Variants in TRPM7 observed in about 807,000 individuals in gnomAD.
TRPM7 encodes the protein LTRPC ion channel family member 7.
A neutral mutation model predicts 229.7 loss-of-function variants in TRPM7; 134 were observed. The observed-to-expected ratio is 0.58, with a 90% confidence interval of 0.51 to 0.67. TRPM7 has a LOEUF of 0.67. Ranked by LOEUF, TRPM7 falls within the 30% of genes least tolerant of loss-of-function variation. The probability of loss-of-function intolerance (pLI) is 0.00; values close to 1 mark genes in which losing one functional copy is unlikely to be tolerated. For synonymous variants in TRPM7, 699 were observed against 715.2 expected, an observed-to-expected ratio of 0.98 and a Z score of 0.36; for missense variants, 1,901 against 2,210.0, an observed-to-expected ratio of 0.86 and a Z score of 2.80.
intron 38 of TRPM7, among the ~76,000 whole-genome samples, chr15:50,567,250 A>T (rs2053642105): frequency 2.0e-5 from 3 of 152,068 alleles, no homozygotes; most frequent in Non-Finnish European, 4.4e-5. Flanking sequence ...ACATGTATAC[A>T]TGTGCCATGT....
intron 2 of TRPM7, among the ~76,000 whole-genome samples, chr15:50,661,819 A>C (rs12916113): frequency 0.075 from 11,454 of 152,288 alleles, 556 homozygotes; most frequent in South Asian, 0.12. Flanking sequence ...TTTGTCAATT[A>C]ATTTTCATTT....
At chr15:50,611,396 A>C in intron 16 of TRPM7, 75 bp from the exon 17 acceptor site, 1 of 1,075,976 alleles carries the variant, frequency 9.3e-7, no homozygotes, top group Non-Finnish European at 1.3e-6. Context: ...TATATACATT[A>C]ATACTTCCTA....
At chr15:50,661,324 T>A (rs1596327256) in intron 2 of TRPM7, among the ~76,000 whole-genome samples, 1 of 152,128 alleles carries the variant, frequency 6.6e-6, no homozygotes, top group Non-Finnish European at 1.5e-5. Context: ...AGCAGGTACA[T>A]TTTGCATATA....
At chr15:50,568,905 C>CCTGGGAGGTGGAAGCTGCAGTGAG (rs2053740498) in intron 38 of TRPM7, among the ~76,000 whole-genome samples, 2 of 151,994 alleles carry the variant, frequency 1.3e-5, no homozygotes, top group Non-Finnish European at 2.9e-5. Context: ...ATCACTTGAG[C>CCTGGGAGGTGGAAGCTGCAGTGAG]CTGGGAGGTG....
intron 1 of TRPM7, among the ~76,000 whole-genome samples, chr15:50,666,771 C>T (rs1207808894): frequency 6.6e-6 from 1 of 151,972 alleles, no homozygotes. Context: ...CATTGCACTC[C>T]AGCCTGGGCA....
At chr15:50,607,887 A>G (rs1210647102) in intron 19 of TRPM7, among the ~76,000 whole-genome samples, 2 of 57,908 alleles carry the variant, frequency 3.5e-5, no homozygotes, top group African/African-American at 9.2e-5. Context: ...TCTCTACTGA[A>G]AAAAAAAAAA....
At position 50,559,933 on chromosome 15, in the gene TRPM7, A is replaced by C. The variant is rs1328391430; in HGVS notation, c.*1745T>G. 1 of 151,126 alleles carries C rather than the reference A, an allele frequency of 6.6e-6. No homozygotes were observed. Among genetic ancestry groups the C allele is most frequent in the Non-Finnish European group, 1.5e-5 (1 of 67,950 alleles). 9.4% of individuals were successfully genotyped at this position (151,126 alleles called of 1,614,324 possible). ...GAGGCTGAGGCAGGAGAATCACTTA[A>C]ACCCGGAAGGCGGCGGTTGTGGTGA... On this transcript the variant is annotated 3_prime_UTR_variant, in exon 39 of 39. Coordinates refer to ENST00000646667, the MANE Select transcript of TRPM7 (RefSeq NM_017672.6).
intron 3 of TRPM7, among the ~76,000 whole-genome samples, chr15:50,653,821 A>G (rs186446782): frequency 6.6e-6 from 1 of 152,286 alleles, no homozygotes; most frequent in Admixed American, 6.5e-5. Flanking sequence ...TGTATCTGTG[A>G]GAGATTCTGT....
chr15:50,665,005 TAAC>T (rs1271795544), intron 1 of TRPM7, among the ~76,000 whole-genome samples: 2 of 152,178 alleles, frequency 1.3e-5, no homozygotes, highest in African/African-American at 4.8e-5. Context: ...TAAAAGATTT[TAAC>T]AACATGTTAA....
chr15:50,592,439 G>A lies in TRPM7; in HGVS notation c.3796C>T (p.Arg1266Ter), dbSNP rs764581584. The change falls in exon 26 of 39, where the codon CGA becomes TGA. Residue 1266 changes from arginine (R) to a stop codon, truncating the protein, a stop_gained. Coordinates refer to ENST00000646667, the MANE Select transcript of TRPM7 (RefSeq NM_017672.6). LOFTEE classifies it high-confidence loss of function. ...EASKVHNEIT[R>*]ELSISKHLAQ... ...AAGTGTTTGGAAATGCTCAGTTCTCGTGTGATTTCATTATGAACTTTGCTA... is the reference window on the plus strand; with the variant it reads ...AAGTGTTTGGAAATGCTCAGTTCTCATGTGATTTCATTATGAACTTTGCTA... 8 of 1,614,158 alleles carry A rather than the reference G, an allele frequency of 5.0e-6. No individual in the cohort carries two copies. The highest frequency in any genetic ancestry group is 1.3e-5 in the African/African-American group (1 of 75,040).
intron 1 of TRPM7, among the ~76,000 whole-genome samples, chr15:50,679,538 A>ATATATTTTTTTTTTTTT (rs1400383980): frequency 1.2e-3 from 54 of 43,848 alleles, no homozygotes; most frequent in African/African-American, 5.7e-3. Flanking sequence ...ATATATATAT[A>ATATATTTTTTTTTTTTT]TTTTTTTTTT....
At chr15:50,676,536 C>A (rs1057018560) in intron 1 of TRPM7, among the ~76,000 whole-genome samples, 2 of 151,820 alleles carry the variant, frequency 1.3e-5, no homozygotes, top group Non-Finnish European at 2.9e-5. Context: ...CTGGTCAACA[C>A]AGCGAGACCT....
Position 50,639,461 on chromosome 15 carries a change from C to A in TRPM7, c.623G>T (p.Gly208Val). 1 of 1,609,006 alleles carries A rather than the reference C, an allele frequency of 6.2e-7. No homozygotes were observed. Among genetic ancestry groups the A allele is most frequent in the Non-Finnish European group, 8.5e-7 (1 of 1,176,814 alleles). Residue 208 changes from glycine (G) to valine (V), a missense_variant, in exon 6 of 39, where the codon GGA (glycine) becomes GTA (valine). Coordinates refer to ENST00000646667, the MANE Select transcript of TRPM7 (RefSeq NM_017672.6). ...AAGATCATTTCTGTTTTCAATCACT[C>A]CCCATGGAGCTATTCCGATAGTGCA... is the stretch of plus-strand genomic sequence containing the variant. ...KICTIGIAPW[G>V]VIENRNDLVG...
intron 38 of TRPM7, among the ~76,000 whole-genome samples, chr15:50,563,102 T>C (rs1410989398): frequency 6.6e-6 from 1 of 152,166 alleles, no homozygotes; most frequent in Non-Finnish European, 1.5e-5. Flanking sequence ...GGCCCAAGAT[T>C]GTCAACTACA....
chr15:50,601,946 A>G (rs1596155647), intron 21 of TRPM7, among the ~76,000 whole-genome samples: 1 of 145,264 alleles, frequency 6.9e-6, no homozygotes, highest in African/African-American at 2.5e-5. Context: ...GAAAAATCCC[A>G]CATATTTTCT....
At chr15:50,613,623 T>C (rs975521540) in intron 15 of TRPM7, 84 bp downstream of exon 15, 4 of 1,229,154 alleles carry the variant, frequency 3.3e-6, no homozygotes, top group Non-Finnish European at 4.3e-6. Flanking sequence ...ACTAAATCAA[T>C]TAGTTTTTTT....
At chr15:50,636,004 T>C (rs905519776) in intron 7 of TRPM7, among the ~76,000 whole-genome samples, 5 of 151,184 alleles carry the variant, frequency 3.3e-5, no homozygotes, top group Non-Finnish European at 5.9e-5. Context: ...AAATTAAAAA[T>C]TAAAGAAGAA....
chr15:50,656,954 G>A (rs1223898697), intron 3 of TRPM7, among the ~76,000 whole-genome samples: 1 of 152,028 alleles, frequency 6.6e-6, no homozygotes, highest in Non-Finnish European at 1.5e-5. Context: ...TCATCTTTTT[G>A]CCAGAGTCAC....
At chr15:50,623,551 G>C (rs2060478732) in intron 12 of TRPM7, among the ~76,000 whole-genome samples, 1 of 149,858 alleles carries the variant, frequency 6.7e-6, no homozygotes, top group Admixed American at 6.7e-5. Context: ...AAAGTAGATG[G>C]GGCAATATAT....
Sources: gnomAD v4.1 joint callset for allele counts (sites outside exome capture counted in the v4.1 genomes callset) on GRCh38, gnomAD v4.1.1 for gene constraint, MANE v1.5 for transcripts, NCBI Gene and HGNC (gene_info 2026-07-23, HGNC 2026-07-21) for gene names.